The following OAS2 variants were observed in gnomAD, a reference collection of about 807,000 sequenced individuals.
OAS2 encodes 2'-5'-oligoadenylate synthetase 2.
A neutral mutation model predicts 71.3 loss-of-function variants in OAS2; 67 were observed. The ratio of observed to expected loss-of-function variants is 0.94; its 90% CI spans 0.77 to 1.15. The LOEUF is 1.15. Ranked by LOEUF, OAS2 falls within the 50% of genes most tolerant of loss-of-function variation. The pLI is 0.00. For synonymous variants in OAS2, 327 were observed against 321.8 expected (o/e 1.02, Z -0.17); for missense variants, 789 against 822.5 (o/e 0.96, Z 0.50).
Position 113,011,136 on chromosome 12 carries a change from T to C in OAS2, c.*1881T>C, listed in dbSNP as rs2044377763. ...CCTTAAAGATACTTGAAGGTCTAGGTGCTTTAACCTCACATACCCTCACTT... is the reference window on the plus strand; with the variant it reads ...CCTTAAAGATACTTGAAGGTCTAGGCGCTTTAACCTCACATACCCTCACTT... On this transcript the variant is annotated 3_prime_UTR_variant, in exon 10 of 10. Coordinates refer to ENST00000392583, the MANE Select transcript of OAS2 (RefSeq NM_002535.3). The C allele has an allele frequency of 1.3e-5, 2 of 152,318 alleles. No homozygotes were observed. The highest frequency in any genetic ancestry group is 2.9e-5 in the Non-Finnish European group (2 of 68,096). 9.4% of individuals were successfully genotyped at this position (152,318 alleles called of 1,614,324 possible). A position where few individuals can be genotyped will look rare whatever the true frequency, so the allele number is the denominator to read the frequency against.
At chr12:112,997,433 G>A in intron 3 of OAS2, 87 bp from the exon 4 acceptor site, 1 of 1,099,038 alleles carries the variant, frequency 9.1e-7, no homozygotes, top group South Asian at 1.5e-5. Flanking sequence ...ATGACTTCCT[G>A]TAGACCTCTG....
At chr12:112,987,584 T>C in intron 2 of OAS2, 2 of 1,271,616 alleles carry the variant, frequency 1.6e-6, no homozygotes, top group East Asian at 3.0e-5. Flanking sequence ...ATAAATCACC[T>C]GGAACCTTGT....
Position 112,998,360 on chromosome 12 carries a change from A to T in OAS2, c.958A>T (p.Thr320Ser). 6.2e-7 allele frequency: 1 copy of T among 1,610,158 alleles called. No homozygotes were observed. The highest frequency in any genetic ancestry group is 1.3e-5 in the African/African-American group (1 of 74,666). The change falls in exon 5 of 10, where the codon ACT becomes TCT. Residue 320 changes from threonine to serine, a missense_variant. Coordinates refer to ENST00000392583, the MANE Select transcript of OAS2 (RefSeq NM_002535.3). Reference sequence around the variant, plus strand: ...GAAAAAAGAAGCTCAAACCTGGTTGACTTCTCCCAACCTGGATAATGAGTT... The same window carrying T: ...GAAAAAAGAAGCTCAAACCTGGTTGTCTTCTCCCAACCTGGATAATGAGTT... ...WLKKEAQTWLTSPNLDNELPA... is the reference protein window; with the variant it reads ...WLKKEAQTWLSSPNLDNELPA...
At chr12:112,997,963 T>C (rs1028832796) in intron 4 of OAS2, among the ~76,000 whole-genome samples, 5 of 152,042 alleles carry the variant, frequency 3.3e-5, no homozygotes, top group African/African-American at 1.2e-4. Context: ...TCACATTTTG[T>C]CCCCTAAACA....
At chr12:112,994,423 A>G (rs1177950493) in intron 2 of OAS2, among the ~76,000 whole-genome samples, 1 of 152,012 alleles carries the variant, frequency 6.6e-6, no homozygotes, top group Non-Finnish European at 1.5e-5. Flanking sequence ...TGTTTATTTT[A>G]TTTTTATTTT....
Position 112,998,296 on chromosome 12 carries a change from C to A in OAS2, c.894C>A (p.Thr298=). ...RPVILDPVDP[T]NNVSGDKICW... is the part of the protein sequence containing the mutation. ...TAATCTTGGATCCAGTTGACCCAAC[C>A]AATAATGTGAGTGGAGATAAAATAT... Residue 298 remains threonine, a synonymous_variant, in exon 5 of 10, where the codon ACC becomes ACA. Transcript: ENST00000392583. 1 of 1,612,468 alleles carries A rather than the reference C, an allele frequency of 6.2e-7. No individual in the cohort carries two copies. Among genetic ancestry groups the A allele is most frequent in the South Asian group, 1.1e-5 (1 of 90,758 alleles).
intron 8 of OAS2, among the ~76,000 whole-genome samples, 185 bp downstream of exon 8, chr12:113,006,785 C>T (rs2044338944): frequency 6.6e-6 from 1 of 152,344 alleles, no homozygotes; most frequent in Non-Finnish European, 1.5e-5. Flanking sequence ...TTGATGGCTT[C>T]TGCCCATCAA....
Position 112,997,531 on chromosome 12 carries a change from A to T in OAS2, c.639A>T (p.Lys213Asn). ...IKHWHQQCQK[K>N]IKDLPSLSPY... ...TCCTTATCCCACAGTGCCAGAAAAA[A>T]ATCAAGGATTTACCCTCGCTGTCTC... Residue 213 changes from lysine to asparagine, a missense_variant, in exon 4 of 10, where the codon AAA becomes AAT. Coordinates refer to ENST00000392583, the MANE Select transcript of OAS2 (RefSeq NM_002535.3). 6.2e-7 allele frequency: 1 copy of T among 1,613,684 alleles called. No homozygotes were observed. Among genetic ancestry groups the T allele is most frequent in the Non-Finnish European group, 8.5e-7 (1 of 1,179,724 alleles).
intron 5 of OAS2, among the ~76,000 whole-genome samples, chr12:112,999,486 G>A (rs547818141): frequency 7.9e-5 from 12 of 152,288 alleles, no homozygotes; most frequent in Middle Eastern, 6.8e-3. Flanking sequence ...TCTATACCCC[G>A]TTTGCACAGA....
At chr12:112,979,687 A>C (rs1028121370) in intron 1 of OAS2, among the ~76,000 whole-genome samples, 3 of 152,170 alleles carry the variant, frequency 2.0e-5, no homozygotes, top group African/African-American at 7.2e-5. Flanking sequence ...ATAGGTAGCC[A>C]CAAACAATGT....
Position 113,008,620 on chromosome 12 carries a change from G to T in OAS2, c.1896-467G>T, listed in dbSNP as rs1593208338. Among the ~76,000 whole-genome samples the T allele has an allele frequency of 3.3e-5, 5 of 152,120 alleles. No individual in the cohort carries two copies. The South Asian group carries it at 8.3e-4, about 25-fold the overall frequency. ...AATTTAATTCTAGGAAGTTGCTTTG[G>T]TTTTGGCTTTTGTTTTTGTTTTTGA... On this transcript the variant is annotated intron_variant, in intron 9 of 9. Coordinates refer to ENST00000392583, the MANE Select transcript of OAS2 (RefSeq NM_002535.3).
intron 1 of OAS2, among the ~76,000 whole-genome samples, chr12:112,983,164 A>G (rs2044099574): frequency 6.6e-6 from 1 of 151,802 alleles, no homozygotes; most frequent in Non-Finnish European, 1.5e-5. Context: ...TATTATGTTT[A>G]GTTCTGTTCT....
chr12:112,987,080 G>A lies in OAS2; in HGVS notation c.220G>A (p.Asp74Asn), dbSNP rs2044144331. 5 of 1,614,084 alleles carry A rather than the reference G, an allele frequency of 3.1e-6. No individual in the cohort carries two copies. The highest frequency in any genetic ancestry group is 1.6e-4 in the Middle Eastern group (1 of 6,062). Residue 74 changes from aspartate (D) to asparagine (N), a missense_variant, in exon 2 of 10, where the codon GAT becomes AAT. Asp to Asn is a conservative substitution (Grantham distance 23). Coordinates refer to ENST00000392583, the MANE Select transcript of OAS2 (RefSeq NM_002535.3). ...GAAAACAGTCTTAAGAGGCAACTCCGATGGTACCCTTGTCCTCTTCTTCAG... is the reference window on the plus strand; with the variant it reads ...GAAAACAGTCTTAAGAGGCAACTCCAATGGTACCCTTGTCCTCTTCTTCAG... ...GRKTVLRGNS[D>N]GTLVLFFSDL...
At chr12:112,983,037 T>A (rs180752625) in intron 1 of OAS2, among the ~76,000 whole-genome samples, 1 of 152,308 alleles carries the variant, frequency 6.6e-6, no homozygotes, top group Admixed American at 6.5e-5. Flanking sequence ...TTTTTATCCC[T>A]GATTTTATTT....
intron 5 of OAS2, among the ~76,000 whole-genome samples, chr12:112,998,935 G>C (rs1179165366): frequency 2.0e-5 from 3 of 152,220 alleles, no homozygotes; most frequent in Non-Finnish European, 2.9e-5. Flanking sequence ...GCATCTTTTA[G>C]GGAGACACAG....
At chr12:112,979,899 C>G (rs2136373222) in intron 1 of OAS2, among the ~76,000 whole-genome samples, 1 of 152,222 alleles carries the variant, frequency 6.6e-6, no homozygotes, top group East Asian at 1.9e-4. Context: ...TGGGGTGTTT[C>G]CTGGGATGTG....
At chr12:112,991,604 C>A (rs1472945325) in intron 2 of OAS2, among the ~76,000 whole-genome samples, 1 of 152,126 alleles carries the variant, frequency 6.6e-6, no homozygotes, top group Non-Finnish European at 1.5e-5. Flanking sequence ...GATAAGAGAC[C>A]AATGGTTGCA....
intron 7 of OAS2, among the ~76,000 whole-genome samples, chr12:113,006,060 T>C (rs1288058667): frequency 2.0e-5 from 3 of 152,044 alleles, no homozygotes; most frequent in Non-Finnish European, 4.4e-5. Flanking sequence ...ATGTCTGGGT[T>C]CTACAACTAC....
At chr12:113,001,863 CAAAAAAAA>C (rs71086131) in intron 5 of OAS2, among the ~76,000 whole-genome samples, 4 of 21,868 alleles carry the variant, frequency 1.8e-4, no homozygotes, top group African/African-American at 6.9e-4. Flanking sequence ...CCCATCTCTA[CAAAAAAAA>C]AAAAAAAAAA....
Sources: allele counts gnomAD v4.1 joint callset (sites outside exome capture counted in the v4.1 genomes callset), GRCh38; gene constraint gnomAD v4.1.1; transcripts MANE v1.5; gene names NCBI Gene and HGNC (gene_info 2026-07-23, HGNC 2026-07-21).